LRRTM4: variants seen among roughly 807,000 people sequenced by gnomAD.
LRRTM4 encodes leucine-rich repeat transmembrane neuronal protein 4.
A neutral mutation model predicts 47.6 loss-of-function variants in LRRTM4; 25 were observed. The observed-to-expected ratio is 0.53, with a 90% CI of 0.38 to 0.73. LRRTM4 has a LOEUF of 0.73. LRRTM4 is among the 30% of genes least tolerant of loss of function. The pLI, the probability that LRRTM4 is intolerant of heterozygous loss-of-function variation, is 0.00. For synonymous variants in LRRTM4, 311 were observed against 269.5 expected, an observed-to-expected ratio of 1.15 and a Z score of -1.51; for missense variants, 638 against 713.4, an observed-to-expected ratio of 0.89 and a Z score of 1.20.
At chr2:77,165,102 T>C (rs948937879) in intron 3 of LRRTM4, among the ~76,000 whole-genome samples, 10 of 151,810 alleles carry the variant, frequency 6.6e-5, no homozygotes, top group African/African-American at 2.4e-4. Flanking sequence ...AAGAATCAAA[T>C]AGATGCAATA....
chr2:77,428,773 G>T (rs765209445), intron 3 of LRRTM4, among the ~76,000 whole-genome samples: 3 of 152,116 alleles, frequency 2.0e-5, no homozygotes, highest in Non-Finnish European at 4.4e-5. Context: ...CTTAAGTAAA[G>T]TTTCATTATT....
intron 3 of LRRTM4, among the ~76,000 whole-genome samples, chr2:76,786,786 C>G (rs1381464603): frequency 6.6e-6 from 1 of 151,854 alleles, no homozygotes; most frequent in Non-Finnish European, 1.5e-5. Flanking sequence ...TCTTGGTTGA[C>G]AAACCAAAAA....
chr2:77,202,130 C>T (rs898843963), intron 3 of LRRTM4, among the ~76,000 whole-genome samples: 2 of 152,040 alleles, frequency 1.3e-5, no homozygotes, highest in African/African-American at 4.8e-5. Context: ...TTGTCAGTAA[C>T]AGTGAAAGAG....
intron 3 of LRRTM4, among the ~76,000 whole-genome samples, chr2:77,282,673 AC>A (rs1676539147): frequency 6.6e-6 from 1 of 151,820 alleles, no homozygotes; most frequent in Non-Finnish European, 1.5e-5. Context: ...AGAATAGAAA[AC>A]CCGGAAAATA....
intron 3 of LRRTM4, among the ~76,000 whole-genome samples, chr2:77,355,982 A>G (rs1671951899): frequency 6.6e-6 from 1 of 152,174 alleles, no homozygotes; most frequent in Admixed American, 6.5e-5. Context: ...AGTCCCAGCT[A>G]CTTGGGAGAC....
chr2:76,800,654 G>A (rs1329697238), intron 3 of LRRTM4, among the ~76,000 whole-genome samples: 116 of 113,436 alleles, frequency 1.0e-3, no homozygotes, highest in South Asian at 1.9e-3. Context: ...ACTACCATCA[G>A]AGTGAACAGG....
chr2:77,376,870 T>C (rs1672860766), intron 3 of LRRTM4, among the ~76,000 whole-genome samples: 1 of 151,892 alleles, frequency 6.6e-6, no homozygotes, highest in Non-Finnish European at 1.5e-5. Context: ...CATCCCATAC[T>C]CAAGGAATGG....
intron 3 of LRRTM4, among the ~76,000 whole-genome samples, chr2:76,935,088 T>C (rs1674898024): frequency 6.6e-6 from 1 of 152,092 alleles, no homozygotes; most frequent in South Asian, 2.1e-4. Flanking sequence ...ATCAATGCAA[T>C]GGTCTCAATA....
At chr2:77,044,800 A>G (rs1303119409) in intron 3 of LRRTM4, among the ~76,000 whole-genome samples, 2 of 151,712 alleles carry the variant, frequency 1.3e-5, no homozygotes, top group African/African-American at 4.8e-5. Context: ...AGGTGTATAA[A>G]TTATGTGAAT....
intron 3 of LRRTM4, among the ~76,000 whole-genome samples, chr2:77,406,778 G>C (rs992763142): frequency 1.3e-5 from 2 of 152,036 alleles, no homozygotes; most frequent in African/African-American, 4.8e-5. Flanking sequence ...TTAATATAAA[G>C]AGCTGAAGTA....
intron 3 of LRRTM4, among the ~76,000 whole-genome samples, chr2:77,035,889 T>C (rs1678821042): frequency 6.6e-6 from 1 of 151,834 alleles, no homozygotes; most frequent in Admixed American, 6.6e-5. Flanking sequence ...CTTTGTCCTC[T>C]TAGAGTTAGA....
At chr2:76,965,811 T>C (rs1676006093) in intron 3 of LRRTM4, among the ~76,000 whole-genome samples, 1 of 151,476 alleles carries the variant, frequency 6.6e-6, no homozygotes, top group Non-Finnish European at 1.5e-5. Flanking sequence ...ATAAGTTATA[T>C]GTGCTCATTT....
intron 3 of LRRTM4, among the ~76,000 whole-genome samples, chr2:77,298,299 C>G (rs955475385): frequency 6.6e-6 from 1 of 152,152 alleles, no homozygotes; most frequent in Admixed American, 6.5e-5. Context: ...TGCAGTGGCA[C>G]GATCTCGGCT....
chr2:76,785,546 G>T (rs1359382793), intron 3 of LRRTM4, among the ~76,000 whole-genome samples: 2 of 152,068 alleles, frequency 1.3e-5, no homozygotes, highest in African/African-American at 4.8e-5. Flanking sequence ...ATTTAACTTG[G>T]AAGGTGTTTC....
At chr2:77,292,938 G>T (rs1256433685) in intron 3 of LRRTM4, among the ~76,000 whole-genome samples, 2 of 151,656 alleles carry the variant, frequency 1.3e-5, no homozygotes, top group Non-Finnish European at 2.9e-5. Context: ...CAGATCGCAT[G>T]ACTTTAAGTT....
At chr2:77,343,866 C>T (rs188459720) in intron 3 of LRRTM4, among the ~76,000 whole-genome samples, 8 of 151,832 alleles carry the variant, frequency 5.3e-5, no homozygotes, top group Admixed American at 2.0e-4. Context: ...AAGCTGCTAT[C>T]TAAAAACAAA....
At chr2:77,100,114 ACCT>A (rs1174501311) in intron 3 of LRRTM4, among the ~76,000 whole-genome samples, 2 of 151,862 alleles carry the variant, frequency 1.3e-5, no homozygotes, top group African/African-American at 2.4e-5. Flanking sequence ...TTACACATTA[ACCT>A]CCTTGTCAGC....
intron 3 of LRRTM4, among the ~76,000 whole-genome samples, chr2:77,248,929 A>C (rs563668507): frequency 2.2e-4 from 34 of 152,300 alleles, no homozygotes; most frequent in African/African-American, 7.7e-4. Flanking sequence ...TAAAAGAAAA[A>C]ATATAAAACT....
intron 3 of LRRTM4, among the ~76,000 whole-genome samples, chr2:77,294,506 A>G (rs898769181): frequency 6.6e-6 from 1 of 152,132 alleles, no homozygotes; most frequent in African/African-American, 2.4e-5. Flanking sequence ...ATCTTGGAGT[A>G]ACAAAAGCAG....
Sources: gnomAD v4.1 joint callset for allele counts (sites outside exome capture counted in the v4.1 genomes callset) on GRCh38, gnomAD v4.1.1 for gene constraint, MANE v1.5 for transcripts, NCBI Gene and HGNC (gene_info 2026-07-23, HGNC 2026-07-21) for gene names.